The following NELL1 variants were observed in gnomAD, a reference collection of about 807,000 sequenced individuals.
NELL1 encodes protein kinase C-binding protein NELL1.
NELL1 carries 76 observed loss-of-function variants against 107.4 expected under a neutral mutation model. That is an observed-to-expected ratio of 0.71 (90% CI 0.59 to 0.86). The LOEUF (loss-of-function observed/expected upper bound fraction) is 0.86. Ranked by LOEUF, NELL1 falls within the 40% of genes least tolerant of loss-of-function variation. The probability of loss-of-function intolerance (pLI) is 0.00; values close to 1 mark genes in which losing one functional copy is unlikely to be tolerated. For missense variants in NELL1, 1,024 were observed against 1,005.5 expected (o/e 1.02, Z -0.25); for synonymous variants, 353 against 341.2 (o/e 1.03, Z -0.38).
At chr11:20,931,241 C>A (rs1262820109) in intron 9 of NELL1, among the ~76,000 whole-genome samples, 1 of 151,992 alleles carries the variant, frequency 6.6e-6, no homozygotes, top group Non-Finnish European at 1.5e-5. Flanking sequence ...CGGGGGAAGG[C>A]CTGGGATGCT....
chr11:21,346,507 TTAAA>T (rs1436907440), intron 14 of NELL1, among the ~76,000 whole-genome samples: 2 of 148,028 alleles, frequency 1.4e-5, no homozygotes, highest in East Asian at 1.9e-4. Flanking sequence ...ATTTAAAATA[TTAAA>T]TAAATTATAT....
chr11:21,284,630 C>T (rs963877082), intron 14 of NELL1: 1 of 416,688 alleles, frequency 2.4e-6, no homozygotes, highest in Admixed American at 2.5e-5. Flanking sequence ...ATGTTATCAA[C>T]AGTGTCTGCA....
At chr11:20,957,868 A>G (rs1021584937) in intron 11 of NELL1, among the ~76,000 whole-genome samples, 9 of 152,318 alleles carry the variant, frequency 5.9e-5, no homozygotes, top group Non-Finnish European at 1.2e-4. Context: ...AGGAAAAGAA[A>G]CAGAAGATAT....
intron 15 of NELL1, among the ~76,000 whole-genome samples, chr11:21,454,977 A>G (rs1488197490): frequency 1.3e-5 from 2 of 152,252 alleles, no homozygotes; most frequent in Admixed American, 1.3e-4. Flanking sequence ...ATTTACTCAC[A>G]TATTTACTAT....
intron 14 of NELL1, among the ~76,000 whole-genome samples, chr11:21,303,060 C>A (rs528007555): frequency 2.6e-4 from 39 of 148,454 alleles, no homozygotes; most frequent in African/African-American, 9.4e-4. Flanking sequence ...GACCCCATAT[C>A]TCTCTTTTGC....
chr11:21,413,783 A>G (rs1429901946), intron 15 of NELL1, among the ~76,000 whole-genome samples: 1 of 152,092 alleles, frequency 6.6e-6, no homozygotes, highest in African/African-American at 2.4e-5. Context: ...GTATGGCAAG[A>G]TCTCAACATT....
chr11:20,804,472 G>C (rs567592596), intron 3 of NELL1, among the ~76,000 whole-genome samples: 278 of 152,284 alleles, frequency 1.8e-3, no homozygotes, highest in Admixed American at 3.3e-3. Context: ...CTGACATCAA[G>C]TGATGCACCT....
intron 14 of NELL1, among the ~76,000 whole-genome samples, chr11:21,345,600 C>T (rs1158408318): frequency 6.6e-6 from 1 of 152,138 alleles, no homozygotes; most frequent in East Asian, 1.9e-4. Flanking sequence ...AGTATCATCC[C>T]AAGACATTAT....
At chr11:20,756,842 C>T (rs565357046) in intron 2 of NELL1, among the ~76,000 whole-genome samples, 3 of 152,204 alleles carry the variant, frequency 2.0e-5, no homozygotes, top group Admixed American at 6.5e-5. Context: ...CACTAGACTC[C>T]ATAGTGGAGC....
intron 11 of NELL1, among the ~76,000 whole-genome samples, chr11:20,952,111 A>G (rs1851080662): frequency 6.6e-6 from 1 of 152,074 alleles, no homozygotes; most frequent in African/African-American, 2.4e-5. Context: ...CACTCCAGGA[A>G]AACAGACCCA....
intron 2 of NELL1, among the ~76,000 whole-genome samples, chr11:20,754,462 C>G (rs999379851): frequency 6.6e-6 from 1 of 152,174 alleles, no homozygotes; most frequent in Non-Finnish European, 1.5e-5. Flanking sequence ...CAGCAACTTG[C>G]ACGAACACGT....
At chr11:21,233,134 G>T (rs550262174) in intron 14 of NELL1, among the ~76,000 whole-genome samples, 2 of 152,188 alleles carry the variant, frequency 1.3e-5, no homozygotes, top group Non-Finnish European at 2.9e-5. Context: ...ATGGGTTTCC[G>T]TGGTGGTCGA....
intron 15 of NELL1, among the ~76,000 whole-genome samples, chr11:21,428,832 A>T (rs577522494): frequency 2.0e-5 from 3 of 152,296 alleles, no homozygotes; most frequent in South Asian, 4.1e-4. Context: ...GTGACCTAGG[A>T]GTTCTGGAAA....
Position 21,257,624 on chromosome 11 carries a change from T to C in NELL1, c.1549+28170T>C, listed in dbSNP as rs539454646. ...TGAACTCCTGAACATTCCAACAAACTGTTAGAGGAGTCATAGATGTTTCCC... is the reference window on the plus strand; with the variant it reads ...TGAACTCCTGAACATTCCAACAAACCGTTAGAGGAGTCATAGATGTTTCCC... On this transcript the variant is annotated intron_variant, in intron 14 of 19. Transcript: ENST00000357134. Among the ~76,000 whole-genome samples the C allele has an allele frequency of 4.6e-5, 7 of 152,106 alleles. No individual in the cohort carries two copies. The South Asian group carries it at 1.2e-3, about 27-fold the overall frequency.
At chr11:21,420,067 C>A (rs190788588) in intron 15 of NELL1, among the ~76,000 whole-genome samples, 1 of 151,604 alleles carries the variant, frequency 6.6e-6, no homozygotes, top group Admixed American at 6.6e-5. Context: ...TGTGTGTGTA[C>A]GTGTGTTTGA....
intron 17 of NELL1, among the ~76,000 whole-genome samples, chr11:21,569,118 G>A (rs1197354930): frequency 1.3e-5 from 2 of 151,634 alleles, no homozygotes; most frequent in Non-Finnish European, 2.9e-5. Context: ...CTAGGTGACA[G>A]GAATTTTTCA....
chr11:21,465,958 A>G (rs1018328960), intron 15 of NELL1, among the ~76,000 whole-genome samples: 44 of 151,952 alleles, frequency 2.9e-4, no homozygotes, highest in African/African-American at 1.0e-3. Flanking sequence ...TATACACACT[A>G]CCTTTCTAAC....
In NELL1 at chr11:21,317,956, G is replaced by A. The variant is rs1197264918; in HGVS notation, c.1550-52897G>A. ...TCTTGAAAGAAAAATCCTATGTGTT[G>A]CTTGAATTCTAAAATATGTATTTCT... is the stretch of plus-strand genomic sequence containing the variant. On this transcript the variant is annotated intron_variant, in intron 14 of 19. Transcript: ENST00000357134. Among the ~76,000 whole-genome samples, 3 of 152,072 alleles carry A rather than the reference G, an allele frequency of 2.0e-5. No individual in the cohort carries two copies. In the East Asian group the frequency reaches 5.8e-4, roughly 29 times the overall value.
chr11:20,859,459 T>C (rs922441903), intron 4 of NELL1, among the ~76,000 whole-genome samples: 1 of 151,478 alleles, frequency 6.6e-6, no homozygotes, highest in Non-Finnish European at 1.5e-5. Context: ...TCGATGCTGA[T>C]GTGTAATGGC....
Sources: allele counts gnomAD v4.1 joint callset (sites outside exome capture counted in the v4.1 genomes callset), GRCh38; gene constraint gnomAD v4.1.1; transcripts MANE v1.5; gene names NCBI Gene and HGNC (gene_info 2026-07-23, HGNC 2026-07-21).